FANCC: variants seen among roughly 807,000 people sequenced by gnomAD.
The protein encoded by FANCC is Fanconi anemia group C protein.
FANCC carries 55 observed loss-of-function variants against 71.3 expected under a neutral mutation model. The ratio of observed to expected loss-of-function variants is 0.77; its 90% CI spans 0.62 to 0.97. The LOEUF is 0.97. Among genes scored for constraint, FANCC ranks in the 50% least tolerant of loss-of-function variants. The probability of loss-of-function intolerance (pLI) is 0.00; values close to 1 mark genes in which losing one functional copy is unlikely to be tolerated. For missense variants in FANCC, 678 were observed against 670.9 expected (o/e 1.01, Z -0.12); for synonymous variants, 275 against 244.9 (o/e 1.12, Z -1.15).
intron 4 of FANCC, among the ~76,000 whole-genome samples, chr9:95,235,880 G>A (rs1258417398): frequency 6.8e-6 from 1 of 147,210 alleles, no homozygotes; most frequent in Non-Finnish European, 1.5e-5. Flanking sequence ...AGCAACAAGG[G>A]GCACATGGGG....
At chr9:95,155,305 A>AGGAGGGGAGG (rs1197646775) in intron 6 of FANCC, among the ~76,000 whole-genome samples, 1 of 10,224 alleles carries the variant, frequency 9.8e-5, no homozygotes, top group Non-Finnish European at 1.7e-4. Context: ...GGAAGGGGAG[A>AGGAGGGGAGG]GGAGGGGAGG....
At chr9:95,311,177 T>C (rs1164151371) in intron 1 of FANCC, among the ~76,000 whole-genome samples, 2 of 138,138 alleles carry the variant, frequency 1.4e-5, no homozygotes, top group Admixed American at 8.4e-5. Context: ...GAGCTTGCAA[T>C]GAGCCGAGAT....
At chr9:95,292,917 T>C (rs1387686716) in intron 1 of FANCC, 13 of 1,580,448 alleles carry the variant, frequency 8.2e-6, no homozygotes, top group African/African-American at 1.4e-5. Flanking sequence ...CCGGTGCACA[T>C]GCGGCTGTCC....
At chr9:95,138,044 T>C (rs1265906288) in intron 7 of FANCC, among the ~76,000 whole-genome samples, 1 of 152,026 alleles carries the variant, frequency 6.6e-6, no homozygotes, top group African/African-American at 2.4e-5. Flanking sequence ...CGCAGAGGAG[T>C]GGGAAAGGCT....
chr9:95,133,857 T>G (rs1407044967), intron 8 of FANCC, among the ~76,000 whole-genome samples: 1 of 152,220 alleles, frequency 6.6e-6, no homozygotes, highest in Non-Finnish European at 1.5e-5. Flanking sequence ...TCACCAGGAA[T>G]GGGCTGTCAG....
intron 14 of FANCC, among the ~76,000 whole-genome samples, chr9:95,104,196 C>T (rs991338533): frequency 6.6e-6 from 1 of 152,152 alleles, no homozygotes; most frequent in African/African-American, 2.4e-5. Context: ...CTCCCTGCCA[C>T]GCGGCCACCG....
chr9:95,172,215 C>T (rs974972470), intron 4 of FANCC, 68 bp from the exon 5 acceptor site: 5 of 988,852 alleles, frequency 5.1e-6, no homozygotes, highest in South Asian at 1.4e-5. Context: ...ATGTACAATG[C>T]CTACAATTTA....
intron 11 of FANCC, 44 bp from the exon 12 acceptor site, chr9:95,114,754 T>G (rs779058699): frequency 2.5e-6 from 4 of 1,573,438 alleles, no homozygotes; most frequent in South Asian, 2.2e-5. Context: ...TGAGGAAATG[T>G]CAAGCCCATG....
intron 1 of FANCC, among the ~76,000 whole-genome samples, chr9:95,262,797 A>C (rs1832134989): frequency 1.3e-5 from 2 of 152,254 alleles, no homozygotes; most frequent in African/African-American, 4.8e-5. Context: ...AAAGGAATGT[A>C]ATTCTGATAC....
rs7032862 is a variant in FANCC, at chr9:95,251,353, T to C, written c.-78-1984A>G. ...TTTTTTTAGACGAAGTCTCACTCTATCTCCCAGGCTGGAGTTAAGTGGTGC... is the reference window on the plus strand; with the variant it reads ...TTTTTTTAGACGAAGTCTCACTCTACCTCCCAGGCTGGAGTTAAGTGGTGC... On this transcript the variant is annotated intron_variant, in intron 1 of 14. Transcript: ENST00000289081. Among the ~76,000 whole-genome samples the C allele has an allele frequency of 5.6e-3, 848 of 152,272 alleles. 9 individuals are homozygous for C. The highest frequency in any genetic ancestry group is 0.019 in the African/African-American group (807 of 41,558).
At chr9:95,194,252 T>C (rs1008499118) in intron 4 of FANCC, among the ~76,000 whole-genome samples, 1 of 152,160 alleles carries the variant, frequency 6.6e-6, no homozygotes, top group African/African-American at 2.4e-5. Flanking sequence ...GGAGCTCTGC[T>C]GGTGACAAAT....
chr9:95,311,017 G>A (rs1835364549), intron 1 of FANCC, among the ~76,000 whole-genome samples: 2 of 152,134 alleles, frequency 1.3e-5, no homozygotes, highest in South Asian at 4.1e-4. Context: ...GGCCAAGGCA[G>A]GCGGATCACG....
chr9:95,186,895 G>A (rs1390452839), intron 4 of FANCC, among the ~76,000 whole-genome samples: 1 of 151,424 alleles, frequency 6.6e-6, no homozygotes, highest in East Asian at 2.0e-4. Flanking sequence ...GGGTTCAAGA[G>A]ATTCTCCTGC....
chr9:95,114,755 C>G (rs918972854), intron 11 of FANCC, 45 bp from the exon 12 acceptor site: 39 of 1,570,874 alleles, frequency 2.5e-5, no homozygotes, highest in Non-Finnish European at 3.4e-5. Flanking sequence ...GAGGAAATGT[C>G]AAGCCCATGA....
At chr9:95,123,299 G>A (rs1489708143) in intron 10 of FANCC, 1 of 295,312 alleles carries the variant, frequency 3.4e-6, no homozygotes, top group African/African-American at 2.3e-5. Context: ...GTAAGAGCCT[G>A]TCTCAAAAAA....
chr9:95,311,934 G>A (rs1835431676), intron 1 of FANCC, among the ~76,000 whole-genome samples: 1 of 152,076 alleles, frequency 6.6e-6, no homozygotes, highest in Non-Finnish European at 1.5e-5. Flanking sequence ...TGAAAAACAG[G>A]GGTGAAAGAT....
intron 11 of FANCC, among the ~76,000 whole-genome samples, chr9:95,115,957 ACTT>A (rs2072370405): frequency 6.6e-6 from 1 of 152,240 alleles, no homozygotes; most frequent in Admixed American, 6.5e-5. Flanking sequence ...ACTAAAAAAC[ACTT>A]CTTCAATCTG....
In FANCC at chr9:95,107,255, G is replaced by A. The variant is rs760983825; in HGVS notation, c.1344C>T (p.Ala448=). ...QRAQTMVQVK[A]VLGHLLAMSR... ...ACATTGCCAGGAGGTGGCCCAGCAC[G>A]GCCTTCACCTGGACCTGGGCAATAG... The change falls in exon 14 of 15, where the codon GCC becomes GCT. Residue 448 remains alanine (A), a synonymous_variant. Transcript: ENST00000289081. 1.3e-5 allele frequency: 21 copies of A among 1,613,828 alleles called. No homozygotes were observed. Among genetic ancestry groups the A allele is most frequent in the Admixed American group, 5.0e-5 (3 of 59,988 alleles).
intron 4 of FANCC, among the ~76,000 whole-genome samples, chr9:95,181,481 G>T (rs1257576083): frequency 6.6e-6 from 1 of 152,086 alleles, no homozygotes; most frequent in Non-Finnish European, 1.5e-5. Flanking sequence ...AACCATTAAA[G>T]ATTAGGCATT....
Sources: allele counts gnomAD v4.1 joint callset (sites outside exome capture counted in the v4.1 genomes callset), GRCh38; gene constraint gnomAD v4.1.1; transcripts MANE v1.5; gene names NCBI Gene and HGNC (gene_info 2026-07-23, HGNC 2026-07-21).